AFF1: variants seen among roughly 807,000 people sequenced by gnomAD.
AFF1 encodes the protein ALF transcription elongation factor 1.
Under a neutral mutation model 121.7 loss-of-function variants are expected in AFF1, and 48 were observed. The observed-to-expected ratio is 0.39, with a 90% CI of 0.31 to 0.50. AFF1 has a LOEUF of 0.50. AFF1 is among the 20% of genes least tolerant of loss of function. AFF1 has a pLI of 0.76. For missense variants in AFF1, 1,523 were observed against 1,511.7 expected, an observed-to-expected ratio of 1.01 and a Z score of -0.12; for synonymous variants, 613 against 563.0, an observed-to-expected ratio of 1.09 and a Z score of -1.26.
intron 2 of AFF1, chr4:87,007,023 T>G: frequency 8.7e-7 from 1 of 1,143,250 alleles, no homozygotes. Context: ...TGGCCCGCGT[T>G]GTGCTGTTGC....
intron 2 of AFF1, among the ~76,000 whole-genome samples, chr4:87,018,919 G>GC (rs1727616086): frequency 6.6e-6 from 1 of 152,132 alleles, no homozygotes; most frequent in Non-Finnish European, 1.5e-5. Flanking sequence ...ATTTAGAAAG[G>GC]CCCCCAGGTC....
intron 10 of AFF1, among the ~76,000 whole-genome samples, chr4:87,106,750 A>G (rs771144084): frequency 5.9e-5 from 9 of 152,178 alleles, no homozygotes; most frequent in Admixed American, 6.5e-5. Flanking sequence ...TTCATGGACA[A>G]AGTTATTTTA....
chr4:87,126,141 C>G lies in AFF1; in HGVS notation c.2616C>G (p.Leu872=). Residue 872 remains leucine (L), a synonymous_variant, in exon 14 of 21, where the codon CTC becomes CTG. Transcript: ENST00000395146. ...PSSQSSKKEM[L]PPPPVSSSSQ... is the part of the protein sequence containing the mutation. ...CACAGTCCTCAAAGAAGGAAATGCT[C>G]CCCCCGCCACCCGTGTCCTCGTCCT... is the stretch of plus-strand genomic sequence containing the variant. The G allele has an allele frequency of 6.2e-7, 1 of 1,614,066 alleles. No homozygotes were observed. Among genetic ancestry groups the G allele is most frequent in the Non-Finnish European group, 8.5e-7 (1 of 1,179,998 alleles).
At chr4:87,127,611 A>C in intron 15 of AFF1, 32 bp from the exon 16 acceptor site, 1 of 1,613,362 alleles carries the variant, frequency 6.2e-7, no homozygotes, top group Non-Finnish European at 8.5e-7. Context: ...TTTGGCTCAT[A>C]TGACCTGTCC....
intron 1 of AFF1, among the ~76,000 whole-genome samples, chr4:86,937,071 C>A (rs939417588): frequency 6.6e-6 from 1 of 152,108 alleles, no homozygotes; most frequent in African/African-American, 2.4e-5. Context: ...ATATAACTTA[C>A]AAGGATGTTG....
At chr4:86,957,541 AT>A (rs927554699) in intron 2 of AFF1, among the ~76,000 whole-genome samples, 24 of 151,410 alleles carry the variant, frequency 1.6e-4, no homozygotes, top group Middle Eastern at 3.4e-3. Context: ...TTGGTTGGAA[AT>A]TTTTTTTTCT....
intron 1 of AFF1, among the ~76,000 whole-genome samples, chr4:86,947,620 G>T (rs1560494162): frequency 6.6e-6 from 1 of 152,194 alleles, no homozygotes; most frequent in African/African-American, 2.4e-5. Context: ...GTTAGGATAA[G>T]TGTAGTCAAT....
intron 2 of AFF1, among the ~76,000 whole-genome samples, chr4:86,986,683 T>C (rs1038472860): frequency 1.3e-5 from 2 of 152,100 alleles, no homozygotes; most frequent in East Asian, 3.9e-4. Flanking sequence ...TATCAACCCT[T>C]AATAAAAGGA....
intron 2 of AFF1, among the ~76,000 whole-genome samples, chr4:86,978,881 G>A (rs1723512273): frequency 6.6e-6 from 1 of 152,154 alleles, no homozygotes; most frequent in Non-Finnish European, 1.5e-5. Flanking sequence ...AGCACTTGTA[G>A]CTCACCTTAT....
At chr4:87,009,161 A>T (rs531113112) in intron 2 of AFF1, among the ~76,000 whole-genome samples, 1 of 152,238 alleles carries the variant, frequency 6.6e-6, no homozygotes. Context: ...AAGCAGCTTT[A>T]ATTGGATTAG....
At chr4:87,078,433 G>A (rs888399842) in intron 4 of AFF1, among the ~76,000 whole-genome samples, 5 of 152,176 alleles carry the variant, frequency 3.3e-5, no homozygotes, top group South Asian at 2.1e-4. Flanking sequence ...TTCAGTGAGG[G>A]TTCTGGCCCT....
chr4:86,959,386 CTTTA>C (rs1721982453), intron 2 of AFF1, among the ~76,000 whole-genome samples: 1 of 151,980 alleles, frequency 6.6e-6, no homozygotes, highest in African/African-American at 2.4e-5. Context: ...AAAGAAACCT[CTTTA>C]TTGTGTTGGG....
chr4:86,950,163 C>T, intron 2 of AFF1: 1 of 1,434,148 alleles, frequency 7.0e-7, no homozygotes. Context: ...CAGATGCTGC[C>T]CATGTCTCAT....
chr4:87,135,816 G>A lies in AFF1; in HGVS notation c.*115G>A, dbSNP rs1254704223. 2.2e-6 allele frequency: 3 copies of A among 1,372,774 alleles called. No homozygotes were observed. The highest frequency in any genetic ancestry group is 3.1e-5 in the Admixed American group (1 of 32,642). The allele number at this position is 1,372,774 out of a possible 1,614,324, so 85.0% of individuals were successfully genotyped here. On this transcript the variant is annotated 3_prime_UTR_variant, in exon 21 of 21. Coordinates refer to ENST00000395146, the MANE Select transcript of AFF1 (RefSeq NM_001166693.3). ...CCAAACTCTAAAAAAGAAGCACCAC[G>A]AGATGGCCAGGACATTTGTCCACTT...
chr4:86,943,186 G>A (rs574636368), intron 1 of AFF1, among the ~76,000 whole-genome samples: 96 of 152,336 alleles, frequency 6.3e-4, no homozygotes, highest in Non-Finnish European at 1.2e-3. Flanking sequence ...ACTTCAAAGT[G>A]TAGAAGAGAT....
chr4:87,064,869 G>A (rs1332927495), intron 4 of AFF1, among the ~76,000 whole-genome samples: 2 of 94,510 alleles, frequency 2.1e-5, no homozygotes, highest in Non-Finnish European at 4.1e-5. Context: ...GTGAAATTCC[G>A]TCTCAAAAGA....
At position 87,037,840 on chromosome 4, in the gene AFF1, A is replaced by C. The variant is rs374921687; in HGVS notation, c.39-8326A>C. The stretch of plus-strand genomic sequence containing the variant: ...ATATCTTACTGGCTCTGAGTCCTGG[A>C]GAGTGTTTATGATGGGTACCAAGAA... On this transcript the variant is annotated intron_variant, in intron 2 of 20. Transcript: ENST00000395146. 3.9e-5 allele frequency among the ~76,000 whole-genome samples: 6 copies of C among 152,144 alleles called. 1 individual carries two copies. The South Asian group carries it at 1.2e-3, about 32-fold the overall frequency.
intron 2 of AFF1, among the ~76,000 whole-genome samples, chr4:86,979,673 A>G (rs1723578240): frequency 6.6e-6 from 1 of 152,210 alleles, no homozygotes; most frequent in East Asian, 1.9e-4. Context: ...ATAAAAAGAG[A>G]GATGCAAATG....
intron 2 of AFF1, chr4:86,949,548 T>TTTTTA (rs1560495665): frequency 1.7e-6 from 1 of 578,512 alleles, no homozygotes; most frequent in Non-Finnish European, 2.6e-6. Flanking sequence ...TTTTTTTTTT[T>TTTTTA]TTTTTTTTCC....
Sources: gnomAD v4.1 joint callset for allele counts (sites outside exome capture counted in the v4.1 genomes callset) on GRCh38, gnomAD v4.1.1 for gene constraint, MANE v1.5 for transcripts, NCBI Gene and HGNC (gene_info 2026-07-23, HGNC 2026-07-21) for gene names.